Variants in PTPN14 observed in about 807,000 individuals in gnomAD.
PTPN14 encodes the protein protein tyrosine phosphatase non-receptor type 14, also known as tyrosine-protein phosphatase non-receptor type 14.
A neutral mutation model predicts 126.8 loss-of-function variants in PTPN14; 53 were observed. The ratio of observed to expected loss-of-function variants is 0.42; its 90% CI spans 0.34 to 0.53. PTPN14 has a LOEUF of 0.53. PTPN14 is among the 20% of genes least tolerant of loss of function. PTPN14 has a pLI of 0.08. For synonymous variants in PTPN14, 630 were observed against 599.3 expected, an observed-to-expected ratio of 1.05 and a Z score of -0.75; for missense variants, 1,257 against 1,552.9, an observed-to-expected ratio of 0.81 and a Z score of 3.20.
Position 214,416,618 on chromosome 1 carries a change from A to T in PTPN14, c.345-1892T>A, listed in dbSNP as rs138873011. 7.9e-5 allele frequency among the ~76,000 whole-genome samples: 12 copies of T among 152,326 alleles called. No individual in the cohort carries two copies. The East Asian group carries it at 1.7e-3, about 22-fold the overall frequency. On this transcript the variant is annotated intron_variant, in intron 3 of 18. Transcript: ENST00000366956. ...TGTAGGATTTTGCTGGAATATAAAAATAAGGAGCTGAAGCAAGCAGGGCTC... is the reference window on the plus strand; with the variant it reads ...TGTAGGATTTTGCTGGAATATAAAATTAAGGAGCTGAAGCAAGCAGGGCTC...
Position 214,364,807 on chromosome 1 carries a change from T to TGTGTGTGTGTGTG in PTPN14, c.3272-133_3272-132insCACACACACACAC, listed in dbSNP as rs1558070067. On this transcript the variant is annotated intron_variant, in intron 17 of 18. Transcript: ENST00000366956. The surrounding 1 kb of genome is among the most constrained non-coding windows in gnomAD (Gnocchi z 4.1). ...TGTGTGTGTGTGTGTGTGTGTGTGT[T>TGTGTGTGTGTGTG]TTAAGTGACAATAATTTATAGTTCT... is the stretch of plus-strand genomic sequence containing the variant. The TGTGTGTGTGTGTG allele has an allele frequency of 1.7e-5, 6 of 344,470 alleles. No homozygotes were observed. In the African/African-American group the frequency reaches 2.6e-4, roughly 15 times the overall value. The allele number at this position is 344,470 out of a possible 1,614,324, so 21.3% of individuals were successfully genotyped here.
chr1:214,499,568 A>G (rs1654629155), intron 1 of PTPN14, among the ~76,000 whole-genome samples: 1 of 152,202 alleles, frequency 6.6e-6, no homozygotes, highest in African/African-American at 2.4e-5. Flanking sequence ...TCAGCCATTC[A>G]AACAAAAACA....
intron 3 of PTPN14, among the ~76,000 whole-genome samples, chr1:214,433,551 T>C (rs1419542931): frequency 6.6e-6 from 1 of 151,966 alleles, no homozygotes; most frequent in Non-Finnish European, 1.5e-5. Flanking sequence ...CAGAGTATTG[T>C]GGGTAGAGAT....
intron 1 of PTPN14, among the ~76,000 whole-genome samples, chr1:214,524,320 G>C (rs1655335918): frequency 2.0e-5 from 3 of 151,998 alleles, no homozygotes. Flanking sequence ...TATGAAGTGG[G>C]CCTAGAAGAG....
intron 1 of PTPN14, among the ~76,000 whole-genome samples, chr1:214,544,547 C>T (rs1199545056): frequency 2.6e-5 from 4 of 152,088 alleles, no homozygotes; most frequent in Non-Finnish European, 5.9e-5. Flanking sequence ...GTCAGGAGTT[C>T]GAGACCAGCC....
At chr1:214,404,378 C>T (rs1054546702) in intron 5 of PTPN14, among the ~76,000 whole-genome samples, 2 of 152,032 alleles carry the variant, frequency 1.3e-5, no homozygotes, top group Non-Finnish European at 2.9e-5. Flanking sequence ...GACTCAAGTC[C>T]GTGATAGGAA....
At chr1:214,538,241 T>C (rs1655755699) in intron 1 of PTPN14, among the ~76,000 whole-genome samples, 1 of 152,218 alleles carries the variant, frequency 6.6e-6, no homozygotes, top group African/African-American at 2.4e-5. Context: ...GTACTTGACC[T>C]ACACAGACTT....
At chr1:214,438,332 C>G (rs1191014414) in intron 3 of PTPN14, among the ~76,000 whole-genome samples, 1 of 152,164 alleles carries the variant, frequency 6.6e-6, no homozygotes, top group African/African-American at 2.4e-5. Context: ...CGGCACAGGA[C>G]AAAGCACCAG....
intron 1 of PTPN14, among the ~76,000 whole-genome samples, chr1:214,520,002 C>A (rs1426482773): frequency 7.0e-6 from 1 of 142,054 alleles, no homozygotes; most frequent in African/African-American, 2.7e-5. Flanking sequence ...AAGCTATGAT[C>A]ATGCCACTGC....
chr1:214,358,198 C>T, intron 18 of PTPN14, 148 bp from the exon 19 acceptor site: 2 of 832,436 alleles, frequency 2.4e-6, no homozygotes, highest in Non-Finnish European at 3.6e-6. Context: ...GGGTTTTATG[C>T]ATCAAACAGT....
At chr1:214,365,709 A>C (rs917305333) in intron 17 of PTPN14, among the ~76,000 whole-genome samples, 1 of 152,204 alleles carries the variant, frequency 6.6e-6, no homozygotes, top group African/African-American at 2.4e-5. Context: ...TCCTTTATAA[A>C]CTTATCTAAT....
At chr1:214,427,462 C>G (rs35301282) in intron 3 of PTPN14, among the ~76,000 whole-genome samples, 7,737 of 151,804 alleles carry the variant, frequency 0.051, 299 homozygotes, top group Non-Finnish European at 0.078. Context: ...AAAAGTAAAC[C>G]AACTTAGTTT....
intron 1 of PTPN14, among the ~76,000 whole-genome samples, chr1:214,494,144 C>T: frequency 6.6e-6 from 1 of 152,210 alleles, no homozygotes; most frequent in East Asian, 1.9e-4. Context: ...GATCTCAGCT[C>T]ACTGCAAGCT....
At chr1:214,418,865 A>C (rs1659482108) in intron 3 of PTPN14, among the ~76,000 whole-genome samples, 1 of 152,234 alleles carries the variant, frequency 6.6e-6, no homozygotes, top group Non-Finnish European at 1.5e-5. Context: ...TGAGTTATAC[A>C]TTTTAACTAC....
rs545645883 is a variant in PTPN14 at position 214,383,786 on chromosome 1, G to A, written c.2069C>T (p.Pro690Leu). The change falls in exon 13 of 19, where the codon CCT (proline) becomes CTT (leucine). Residue 690 changes from proline to leucine, a missense_variant. By Grantham distance (98) the Pro-to-Leu change is moderately conservative. This residue lies in a region of PTPN14 where 1,021 missense variants were observed against 1,183.3 expected (regional missense o/e 0.86). Transcript: ENST00000366956. This position sits in a 1 kb window ranked among gnomAD's most constrained non-coding sequence, Gnocchi z 4.4. ...GAAGGTCTTCTTGTGGTGATACTGA[G>A]GGAGCTGGGGGACCTCGTGGCTGCC... is the stretch of plus-strand genomic sequence containing the variant. ...GSGSHEVPQL[P>L]QYHHKKTFSD... 3.1e-6 allele frequency: 5 copies of A among 1,612,988 alleles called. No homozygotes were observed. The highest frequency in any genetic ancestry group is 1.3e-5 in the African/African-American group (1 of 75,066).
chr1:214,480,956 C>A (rs913235066), intron 1 of PTPN14, among the ~76,000 whole-genome samples: 1 of 152,090 alleles, frequency 6.6e-6, no homozygotes, highest in Admixed American at 6.6e-5. Context: ...CACACAGAGG[C>A]AAGGGCGAGA....
At chr1:214,493,734 T>C (rs1661299423) in intron 1 of PTPN14, among the ~76,000 whole-genome samples, 1 of 152,176 alleles carries the variant, frequency 6.6e-6, no homozygotes, top group Non-Finnish European at 1.5e-5. Flanking sequence ...ACACTTTATA[T>C]GCAAGACTCG....
chr1:214,505,367 T>C (rs1654814749), intron 1 of PTPN14, among the ~76,000 whole-genome samples: 1 of 152,116 alleles, frequency 6.6e-6, no homozygotes, highest in Non-Finnish European at 1.5e-5. Context: ...AGGAGAAGGA[T>C]CTGGTCAATG....
chr1:214,511,174 C>A (rs1654964775), intron 1 of PTPN14, among the ~76,000 whole-genome samples: 1 of 152,182 alleles, frequency 6.6e-6, no homozygotes, highest in African/African-American at 2.4e-5. Context: ...TAAGCCACTG[C>A]TAGTTGCTGA....
Sources: gnomAD v4.1 joint callset for allele counts (sites outside exome capture counted in the v4.1 genomes callset) on GRCh38, gnomAD v4.1.1 for gene constraint, gnomAD v4.1.1 regional missense constraint, Gnocchi (gnomAD v3.1) non-coding constraint, MANE v1.5 for transcripts, NCBI Gene and HGNC (gene_info 2026-07-23, HGNC 2026-07-21) for gene names.